Variants in SPATS2L observed in about 807,000 individuals in gnomAD.
SPATS2L encodes SPATS2-like protein.
In SPATS2L, 30 loss-of-function variants were observed where a neutral mutation model predicts 59.6. The observed-to-expected ratio is 0.50, with a 90% CI of 0.38 to 0.68. The LOEUF (loss-of-function observed/expected upper bound fraction) is 0.68, where lower values mean the gene tolerates loss of function less well. Ranked by LOEUF, SPATS2L falls within the 30% of genes least tolerant of loss-of-function variation. The pLI is 0.00. For missense variants in SPATS2L, 615 were observed against 700.0 expected, an observed-to-expected ratio of 0.88 and a Z score of 1.37; for synonymous variants, 252 against 263.5, an observed-to-expected ratio of 0.96 and a Z score of 0.42.
chr2:200,333,967 G>A (rs2080049723), intron 2 of SPATS2L, among the ~76,000 whole-genome samples: 2 of 152,156 alleles, frequency 1.3e-5, no homozygotes, highest in African/African-American at 2.4e-5. Context: ...AAACATACAT[G>A]TGCATGTGTC....
At chr2:200,398,882 A>G (rs559333989) in intron 3 of SPATS2L, among the ~76,000 whole-genome samples, 2 of 152,308 alleles carry the variant, frequency 1.3e-5, no homozygotes, top group Non-Finnish European at 2.9e-5. Flanking sequence ...TTCTTATAAA[A>G]TAACGGAACC....
chr2:200,393,135 G>A (rs1036594741), intron 3 of SPATS2L: 1 of 451,772 alleles, frequency 2.2e-6, no homozygotes, highest in South Asian at 1.6e-5. Flanking sequence ...TGCTGATCGA[G>A]GATTGGCAGC....
At chr2:200,471,951 G>A (rs1323006212) in intron 11 of SPATS2L, among the ~76,000 whole-genome samples, 1 of 152,228 alleles carries the variant, frequency 6.6e-6, no homozygotes, top group Non-Finnish European at 1.5e-5. Context: ...CTGTGAGAGG[G>A]AAGTCAGGGC....
intron 6 of SPATS2L, among the ~76,000 whole-genome samples, chr2:200,437,469 G>A (rs1017587234): frequency 1.3e-5 from 2 of 152,200 alleles, no homozygotes; most frequent in East Asian, 1.9e-4. Flanking sequence ...AATGGTGTTC[G>A]GGAAGTTGCA....
intron 6 of SPATS2L, among the ~76,000 whole-genome samples, chr2:200,420,339 T>C (rs2083257745): frequency 6.6e-6 from 1 of 152,074 alleles, no homozygotes; most frequent in Non-Finnish European, 1.5e-5. Context: ...AGAATTTCAA[T>C]AAATAAAAAT....
chr2:200,306,972 G>C (rs2079036958), intron 1 of SPATS2L, 50 bp downstream of exon 1: 7 of 983,166 alleles, frequency 7.1e-6, no homozygotes, highest in Non-Finnish European at 7.2e-6. Context: ...TGCAGGGCGC[G>C]GGCGGACGCG....
chr2:200,434,373 G>C (rs76467052), intron 6 of SPATS2L, among the ~76,000 whole-genome samples: 187 of 152,052 alleles, frequency 1.2e-3, no homozygotes, highest in African/African-American at 4.1e-3. Flanking sequence ...TGCTCATTCT[G>C]CTTTGTAGCT....
intron 8 of SPATS2L, among the ~76,000 whole-genome samples, chr2:200,447,129 A>C (rs1452575387): frequency 6.6e-6 from 1 of 152,242 alleles, no homozygotes; most frequent in East Asian, 1.9e-4. Flanking sequence ...CAATAAAACC[A>C]AATATCACAG....
At chr2:200,446,240 T>G (rs1264381979) in intron 8 of SPATS2L, among the ~76,000 whole-genome samples, 2 of 152,118 alleles carry the variant, frequency 1.3e-5, no homozygotes, top group East Asian at 3.9e-4. Flanking sequence ...GAGGCTGAGG[T>G]GGGAGGATCG....
intron 4 of SPATS2L, among the ~76,000 whole-genome samples, chr2:200,414,045 A>G (rs1197723472): frequency 6.6e-6 from 1 of 152,130 alleles, no homozygotes; most frequent in Admixed American, 6.5e-5. Flanking sequence ...ACCTGCATGG[A>G]AAAAAAGCTT....
At chr2:200,371,413 G>T (rs2081421796) in intron 2 of SPATS2L, among the ~76,000 whole-genome samples, 1 of 152,200 alleles carries the variant, frequency 6.6e-6, no homozygotes, top group Non-Finnish European at 1.5e-5. Context: ...ATGGAAGGCA[G>T]TTGCCTCCGT....
chr2:200,395,044 C>G (rs1181176824), intron 3 of SPATS2L, among the ~76,000 whole-genome samples: 1 of 152,144 alleles, frequency 6.6e-6, no homozygotes, highest in Non-Finnish European at 1.5e-5. Context: ...TTAATAGCTT[C>G]TTTTCTAAAT....
chr2:200,356,142 T>A (rs2080906878), intron 2 of SPATS2L, among the ~76,000 whole-genome samples: 2 of 152,332 alleles, frequency 1.3e-5, no homozygotes, highest in Non-Finnish European at 1.5e-5. Context: ...GGTAAATGGG[T>A]ATTATGTGTA....
At chr2:200,433,893 C>T (rs549164595) in intron 6 of SPATS2L, among the ~76,000 whole-genome samples, 56 of 152,134 alleles carry the variant, frequency 3.7e-4, no homozygotes, top group African/African-American at 1.3e-3. Context: ...TAATTGCAAT[C>T]TTAAACAGTT....
Position 200,439,151 on chromosome 2 carries a change from T to C in SPATS2L, c.475T>C (p.Ser159Pro). The change falls in exon 7 of 13, where the codon TCC (serine) becomes CCC (proline). Residue 159 changes from serine (S) to proline (P), a missense_variant. This residue lies in a region of SPATS2L where 227 missense variants were observed against 257.4 expected (regional missense o/e 0.88). Transcript: ENST00000409140. ...CAACAGACTACTGCAACAGAAACTATCCTTAGATGGGAACCCCAAACCTAT... is the reference window on the plus strand; with the variant it reads ...CAACAGACTACTGCAACAGAAACTACCCTTAGATGGGAACCCCAAACCTAT... ...EGNRLLQQKLSLDGNPKPIHG... is the reference protein window; with the variant it reads ...EGNRLLQQKLPLDGNPKPIHG... 3 of 1,613,670 alleles carry C rather than the reference T, an allele frequency of 1.9e-6. No homozygotes were observed. Among genetic ancestry groups the C allele is most frequent in the African/African-American group, 1.3e-5 (1 of 75,006 alleles).
At chr2:200,434,206 G>A (rs2084125931) in intron 6 of SPATS2L, among the ~76,000 whole-genome samples, 2 of 151,922 alleles carry the variant, frequency 1.3e-5, no homozygotes, top group Admixed American at 6.6e-5. Flanking sequence ...GATCATCTCA[G>A]TGTGTAAAAT....
intron 2 of SPATS2L, among the ~76,000 whole-genome samples, chr2:200,331,808 T>A (rs532338715): frequency 6.6e-6 from 1 of 152,324 alleles, no homozygotes; most frequent in Non-Finnish European, 1.5e-5. Context: ...TTTGTTGTTA[T>A]TGGTAAGACA....
At chr2:200,454,088 T>A (rs2085661351) in intron 8 of SPATS2L, among the ~76,000 whole-genome samples, 1 of 152,198 alleles carries the variant, frequency 6.6e-6, no homozygotes, top group Non-Finnish European at 1.5e-5. Flanking sequence ...GCAGCAAAAT[T>A]GTCTGGGATC....
At chr2:200,440,466 A>G (rs2084621293) in intron 7 of SPATS2L, among the ~76,000 whole-genome samples, 183 bp from the exon 8 acceptor site, 1 of 152,214 alleles carries the variant, frequency 6.6e-6, no homozygotes, top group Non-Finnish European at 1.5e-5. Flanking sequence ...TGGTGAAATC[A>G]TAACAGCCTC....
Sources: allele counts gnomAD v4.1 joint callset (sites outside exome capture counted in the v4.1 genomes callset), GRCh38; gene constraint gnomAD v4.1.1; regional missense constraint gnomAD v4.1.1; transcripts MANE v1.5; gene names NCBI Gene and HGNC (gene_info 2026-07-23, HGNC 2026-07-21).